XPR1: variants seen among roughly 807,000 people sequenced by gnomAD.
XPR1 encodes xenotropic and polytropic retrovirus receptor 1, also known as solute carrier family 53 member 1.
A neutral mutation model predicts 87.5 loss-of-function variants in XPR1; 28 were observed. The ratio of observed to expected loss-of-function variants is 0.32; its 90% confidence interval spans 0.24 to 0.44. The LOEUF (loss-of-function observed/expected upper bound fraction) is 0.44, where lower values mean the gene tolerates loss of function less well. XPR1 is among the 20% of genes least tolerant of loss of function. The probability of loss-of-function intolerance (pLI) is 1.00; values close to 1 mark genes in which losing one functional copy is unlikely to be tolerated. For synonymous variants in XPR1, 300 were observed against 306.1 expected, an observed-to-expected ratio of 0.98 and a Z score of 0.21; for missense variants, 559 against 862.3, an observed-to-expected ratio of 0.65 and a Z score of 4.41.
At chr1:180,716,040 A>G (rs986116155) in intron 2 of XPR1, among the ~76,000 whole-genome samples, 1 of 152,192 alleles carries the variant, frequency 6.6e-6, no homozygotes, top group Admixed American at 6.5e-5. Flanking sequence ...GGTAGCCATC[A>G]AGGGAGTGGA....
At chr1:180,705,131 T>C (rs1657516098) in intron 2 of XPR1, among the ~76,000 whole-genome samples, 1 of 152,122 alleles carries the variant, frequency 6.6e-6, no homozygotes, top group Non-Finnish European at 1.5e-5. Context: ...CTCTTAGGCA[T>C]GGCAACCACA....
At position 180,735,246 on chromosome 1, in the gene XPR1, T is replaced by G. The variant is rs1658691317; in HGVS notation, c.122-52507T>G. On this transcript the variant is annotated intron_variant, in intron 2 of 14. Transcript: ENST00000367590. ...GTTTTAAACAGATTTGAGTATTCCA[T>G]TATGGCTCTTGCTAGATGTTTAACT... Among the ~76,000 whole-genome samples, 2 of 152,214 alleles carry G rather than the reference T, an allele frequency of 1.3e-5. 1 individual carries two copies. The highest frequency in any genetic ancestry group is 4.1e-4 in the South Asian group (2 of 4,830).
At chr1:180,763,981 T>C (rs1437291895) in intron 2 of XPR1, among the ~76,000 whole-genome samples, 2 of 152,246 alleles carry the variant, frequency 1.3e-5, no homozygotes, top group East Asian at 3.8e-4. Context: ...GTGATGCTAC[T>C]GTGTTTTTAC....
chr1:180,832,919 A>G (rs780794122), intron 9 of XPR1, among the ~76,000 whole-genome samples: 11 of 152,312 alleles, frequency 7.2e-5, no homozygotes, highest in Non-Finnish European at 1.0e-4. Flanking sequence ...GCAGTTTGAT[A>G]GGGATAGCAT....
chr1:180,667,765 A>G (rs1656012938), intron 1 of XPR1, among the ~76,000 whole-genome samples: 1 of 152,138 alleles, frequency 6.6e-6, no homozygotes, highest in African/African-American at 2.4e-5. Context: ...TCTTCTTACT[A>G]TTTATAGATC....
At chr1:180,676,330 T>C (rs1290395969) in intron 1 of XPR1, among the ~76,000 whole-genome samples, 1 of 152,208 alleles carries the variant, frequency 6.6e-6, no homozygotes, top group Non-Finnish European at 1.5e-5. Flanking sequence ...TTGCTACACA[T>C]TCCTACTATA....
At chr1:180,756,851 C>T (rs1408717869) in intron 2 of XPR1, among the ~76,000 whole-genome samples, 1 of 152,188 alleles carries the variant, frequency 6.6e-6, no homozygotes, top group Non-Finnish European at 1.5e-5. Context: ...TAGAAAGACT[C>T]TCCCTTCATT....
At chr1:180,743,795 A>G (rs116713096) in intron 2 of XPR1, among the ~76,000 whole-genome samples, 3,123 of 152,220 alleles carry the variant, frequency 0.021, 47 homozygotes, top group Middle Eastern at 0.068. Context: ...TTCTTGTTGC[A>G]CTTTAAAAAT....
chr1:180,723,494 A>G (rs12404501), intron 2 of XPR1, among the ~76,000 whole-genome samples: 34,765 of 152,106 alleles, frequency 0.23, 4,086 homozygotes, highest in Middle Eastern at 0.29. Context: ...CTCTACATAA[A>G]GAACTGCTTT....
chr1:180,641,472 T>A (rs999097548), intron 1 of XPR1, among the ~76,000 whole-genome samples: 2 of 152,204 alleles, frequency 1.3e-5, no homozygotes, highest in Admixed American at 1.3e-4. Context: ...TTAACCTTTT[T>A]GTACAGAGTA....
At chr1:180,725,872 C>A (rs1362050492) in intron 2 of XPR1, among the ~76,000 whole-genome samples, 1 of 152,220 alleles carries the variant, frequency 6.6e-6, no homozygotes, top group Non-Finnish European at 1.5e-5. Flanking sequence ...GTTTTGTACT[C>A]TTTGAACCTT....
At chr1:180,769,506 G>A (rs1648424250) in intron 2 of XPR1, among the ~76,000 whole-genome samples, 1 of 126,020 alleles carries the variant, frequency 7.9e-6, no homozygotes, top group South Asian at 2.7e-4. Context: ...TCCATTTTTA[G>A]ATCCCACAAA....
At chr1:180,664,610 G>A (rs1655897010) in intron 1 of XPR1, among the ~76,000 whole-genome samples, 1 of 152,150 alleles carries the variant, frequency 6.6e-6, no homozygotes, top group African/African-American at 2.4e-5. Context: ...CTGGCACTGG[G>A]AGACAGATGA....
chr1:180,728,373 G>T (rs914035863), intron 2 of XPR1, among the ~76,000 whole-genome samples: 3 of 151,230 alleles, frequency 2.0e-5, no homozygotes, highest in African/African-American at 7.3e-5. Context: ...ACCACAAACT[G>T]ATACCAGCCA....
At chr1:180,668,360 C>T (rs1656039188) in intron 1 of XPR1, among the ~76,000 whole-genome samples, 1 of 152,110 alleles carries the variant, frequency 6.6e-6, no homozygotes, top group African/African-American at 2.4e-5. Context: ...AACTCCTGAC[C>T]TCAAGTGATC....
rs555916986 is a variant in XPR1 at position 180,698,886 on chromosome 1, T to C, written c.121+16475T>C. Among the ~76,000 whole-genome samples the C allele has an allele frequency of 2.6e-5, 4 of 152,326 alleles. No individual in the cohort carries two copies. The South Asian group carries it at 6.2e-4, about 24-fold the overall frequency. On this transcript the variant is annotated intron_variant, in intron 2 of 14. Transcript: ENST00000367590. ...AGTGAGAAATCTGCTGTTAGTCTGA[T>C]GGTAATTACTTGATACGTGACTTGA...
chr1:180,880,909 C>A (rs926992475), intron 14 of XPR1, among the ~76,000 whole-genome samples: 2 of 152,044 alleles, frequency 1.3e-5, no homozygotes, highest in African/African-American at 4.8e-5. Flanking sequence ...ATGGTGACTG[C>A]ATATGAAATT....
chr1:180,845,263 C>T (rs138793274), intron 11 of XPR1, among the ~76,000 whole-genome samples: 1 of 152,238 alleles, frequency 6.6e-6, no homozygotes, highest in East Asian at 1.9e-4. Flanking sequence ...GGAATTCTCT[C>T]GAATCTTAAA....
intron 2 of XPR1, among the ~76,000 whole-genome samples, chr1:180,759,579 T>C (rs1213396425): frequency 6.6e-6 from 1 of 152,108 alleles, no homozygotes; most frequent in Non-Finnish European, 1.5e-5. Flanking sequence ...AAGTTGAATC[T>C]CTGAATAGAC....
Sources: gnomAD v4.1 joint callset for allele counts (sites outside exome capture counted in the v4.1 genomes callset) on GRCh38, gnomAD v4.1.1 for gene constraint, MANE v1.5 for transcripts, NCBI Gene and HGNC (gene_info 2026-07-23, HGNC 2026-07-21) for gene names.